Variants in SNX2 observed in about 807,000 individuals in gnomAD.
The protein encoded by SNX2 is sorting nexin 2.
A neutral mutation model predicts 69.9 loss-of-function variants in SNX2; 25 were observed. The observed-to-expected ratio is 0.36, with a 90% CI of 0.26 to 0.50. The LOEUF is 0.50. Among genes scored for constraint, SNX2 ranks in the 20% least tolerant of loss-of-function variants. SNX2 has a pLI of 0.97. For synonymous variants in SNX2, 229 were observed against 200.4 expected (o/e 1.14, Z -1.20); for missense variants, 551 against 613.3 (o/e 0.90, Z 1.07).
intron 3 of SNX2, among the ~76,000 whole-genome samples, chr5:122,800,444 A>C (rs115994139): frequency 1.2e-4 from 19 of 152,236 alleles, no homozygotes; most frequent in African/African-American, 4.6e-4. Context: ...CGCAAACATA[A>C]TATTAAGGGA....
intron 1 of SNX2, among the ~76,000 whole-genome samples, chr5:122,784,712 T>A (rs1457402143): frequency 6.6e-6 from 1 of 152,214 alleles, no homozygotes; most frequent in East Asian, 1.9e-4. Flanking sequence ...CTTTTTCATG[T>A]ATCTTTGGTT....
chr5:122,775,942 T>C (rs545645736), intron 1 of SNX2, among the ~76,000 whole-genome samples: 1 of 152,308 alleles, frequency 6.6e-6, no homozygotes, highest in South Asian at 2.1e-4. Context: ...TTTCCTCTTT[T>C]CTCGCTTGAT....
chr5:122,812,588 C>G (rs1262221200), intron 7 of SNX2, among the ~76,000 whole-genome samples: 2 of 152,184 alleles, frequency 1.3e-5, no homozygotes, highest in Admixed American at 1.3e-4. Flanking sequence ...CCATTTACCC[C>G]ATTGTTCTGT....
intron 6 of SNX2, among the ~76,000 whole-genome samples, chr5:122,805,717 A>C (rs1429131434): frequency 6.6e-6 from 1 of 152,126 alleles, no homozygotes; most frequent in Non-Finnish European, 1.5e-5. Flanking sequence ...CAAAGTGTTG[A>C]AATTACAGGC....
intron 6 of SNX2, among the ~76,000 whole-genome samples, chr5:122,807,709 A>G (rs17149663): frequency 0.2 from 30,967 of 152,210 alleles, 3,572 homozygotes; most frequent in East Asian, 0.46. Flanking sequence ...ATCTGAAGTT[A>G]TAAATGACTC....
At chr5:122,778,061 G>C (rs6595409) in intron 1 of SNX2, among the ~76,000 whole-genome samples, 7 of 151,996 alleles carry the variant, frequency 4.6e-5, no homozygotes, top group Non-Finnish European at 7.4e-5. Context: ...CATATGAGTA[G>C]GAACATGCAG....
At chr5:122,798,443 T>C (rs1003304392) in intron 2 of SNX2, among the ~76,000 whole-genome samples, 4 of 152,200 alleles carry the variant, frequency 2.6e-5, no homozygotes, top group Non-Finnish European at 2.9e-5. Flanking sequence ...CCAGTAAGAA[T>C]AGCTTGATAA....
At chr5:122,806,134 ACGCG>A (rs1554063147) in intron 6 of SNX2, among the ~76,000 whole-genome samples, 1 of 121,374 alleles carries the variant, frequency 8.2e-6, no homozygotes, top group African/African-American at 2.8e-5. Flanking sequence ...ATATATACAC[ACGCG>A]CGCGCACACA....
chr5:122,779,776 T>C (rs1486234254), intron 1 of SNX2, among the ~76,000 whole-genome samples: 1 of 152,118 alleles, frequency 6.6e-6, no homozygotes, highest in Non-Finnish European at 1.5e-5. Flanking sequence ...ATGTGGAGGA[T>C]TCGCAGGTTT....
intron 7 of SNX2, among the ~76,000 whole-genome samples, chr5:122,814,812 G>A (rs1205579103): frequency 6.6e-6 from 1 of 151,544 alleles, no homozygotes; most frequent in African/African-American, 2.4e-5. Context: ...TGCAGTGGCA[G>A]GATCTCGGCT....
chr5:122,817,451 AT>A, intron 10 of SNX2, 78 bp downstream of exon 10: 2 of 927,742 alleles, frequency 2.2e-6, no homozygotes, highest in Non-Finnish European at 3.2e-6. Context: ...ATGAAAATAA[AT>A]ATTCTGAAGT....
intron 2 of SNX2, among the ~76,000 whole-genome samples, chr5:122,798,302 T>TA (rs1437242619): frequency 1.3e-5 from 2 of 152,174 alleles, no homozygotes; most frequent in East Asian, 3.8e-4. Context: ...TGTTTCAACA[T>TA]ATATAGTCCA....
chr5:122,786,829 T>G (rs920249670), intron 1 of SNX2, among the ~76,000 whole-genome samples: 1 of 152,160 alleles, frequency 6.6e-6, no homozygotes, highest in African/African-American at 2.4e-5. Flanking sequence ...GTCAGTCTGT[T>G]GGGGAGGGAG....
chr5:122,789,357 T>A (rs1271524357), intron 1 of SNX2, among the ~76,000 whole-genome samples: 1 of 151,932 alleles, frequency 6.6e-6, no homozygotes, highest in African/African-American at 2.4e-5. Context: ...AATTAGGGGA[T>A]CCCCTTCTCC....
intron 14 of SNX2, among the ~76,000 whole-genome samples, chr5:122,828,282 A>G (rs116456960): frequency 6.6e-6 from 1 of 152,194 alleles, no homozygotes; most frequent in African/African-American, 2.4e-5. Context: ...TGTGTAAAAC[A>G]TAATAGGTTG....
At chr5:122,823,984 G>A (rs1754089312) in intron 11 of SNX2, among the ~76,000 whole-genome samples, 1 of 152,040 alleles carries the variant, frequency 6.6e-6, no homozygotes, top group African/African-American at 2.4e-5. Context: ...GGCAGATCAT[G>A]AGATCAGGAG....
At position 122,799,954 on chromosome 5, in the gene SNX2, G is replaced by C. The variant is rs1382210181; in HGVS notation, c.390+99G>C. 4.3e-6 allele frequency: 4 copies of C among 920,844 alleles called. No individual in the cohort carries two copies. In the Admixed American group the frequency reaches 1.1e-4, roughly 25 times the overall value. The allele number at this position is 920,844 out of a possible 1,614,324, so 57.0% of individuals were successfully genotyped here. Reference sequence around the variant, plus strand: ...AGTCATTTCTAATCAAAGCCTTTTAGACATTTTGGGAAAAGAATATTGGAC... The same window carrying C: ...AGTCATTTCTAATCAAAGCCTTTTACACATTTTGGGAAAAGAATATTGGAC... On this transcript the variant is annotated intron_variant, in intron 3 of 14. Coordinates refer to ENST00000379516, the MANE Select transcript of SNX2 (RefSeq NM_003100.4).
chr5:122,823,856 A>G (rs958080555), intron 11 of SNX2, among the ~76,000 whole-genome samples: 23 of 151,736 alleles, frequency 1.5e-4, no homozygotes, highest in African/African-American at 5.3e-4. Flanking sequence ...GCTTTCCAAC[A>G]TGCGGCCGGG....
chr5:122,794,871 T>G (rs771973894), intron 1 of SNX2, among the ~76,000 whole-genome samples: 2 of 151,524 alleles, frequency 1.3e-5, no homozygotes, highest in African/African-American at 2.4e-5. Context: ...AATAAATAAA[T>G]AAATAACCAG....
Sources: allele counts gnomAD v4.1 joint callset (sites outside exome capture counted in the v4.1 genomes callset), GRCh38; gene constraint gnomAD v4.1.1; transcripts MANE v1.5; gene names NCBI Gene and HGNC (gene_info 2026-07-23, HGNC 2026-07-21).